Variants in HMG20A observed in about 807,000 individuals in gnomAD.
HMG20A encodes the protein high mobility group 20A.
A neutral mutation model predicts 43.9 loss-of-function variants in HMG20A; 17 were observed. That is an observed-to-expected ratio of 0.39 (90% CI 0.27 to 0.58). The LOEUF is 0.58. HMG20A is among the 20% of genes least tolerant of loss of function. The pLI, the probability that HMG20A is intolerant of heterozygous loss-of-function variation, is 0.59. For missense variants in HMG20A, 341 were observed against 438.2 expected, an observed-to-expected ratio of 0.78 and a Z score of 1.98; for synonymous variants, 132 against 147.5, an observed-to-expected ratio of 0.89 and a Z score of 0.76.
chr15:77,513,279 T>C, the HMG20A span, among the ~76,000 whole-genome samples: 3 of 152,224 alleles, frequency 2.0e-5, no homozygotes, highest in East Asian at 5.8e-4. Flanking sequence ...TCTCAAATGG[T>C]TCAGAAAAAA....
rs144177096 is a variant in HMG20A at position 77,436,203 on chromosome 15, G to A, written c.-5+15199G>A. Among the ~76,000 whole-genome samples the A allele has an allele frequency of 5.9e-5, 9 of 151,956 alleles. No individual in the cohort carries two copies. The East Asian group carries it at 1.7e-3, about 29-fold the overall frequency. On this transcript the variant is annotated intron_variant, in intron 1 of 9. Coordinates refer to ENST00000336216, the MANE Select transcript of HMG20A (RefSeq NM_001304504.2). ...GACAACTCAGTCTACTAATTTCTTCGTTAAAAATCTTGGGCTCATTCTTGA... is the reference window on the plus strand; with the variant it reads ...GACAACTCAGTCTACTAATTTCTTCATTAAAAATCTTGGGCTCATTCTTGA...
At chr15:77,441,135 T>TA (rs1418608669) in intron 1 of HMG20A, among the ~76,000 whole-genome samples, 2 of 152,176 alleles carry the variant, frequency 1.3e-5, no homozygotes, top group Admixed American at 1.3e-4. Context: ...TATGTACTAT[T>TA]ACTCTTCTCA....
chr15:77,499,065 C>A, the HMG20A span, among the ~76,000 whole-genome samples: 1 of 152,296 alleles, frequency 6.6e-6, no homozygotes, highest in East Asian at 1.9e-4. Context: ...CTGGATGACC[C>A]CTTCTAGCTC....
chr15:77,426,511 G>C (rs774953709), intron 1 of HMG20A, among the ~76,000 whole-genome samples: 4 of 152,164 alleles, frequency 2.6e-5, no homozygotes, highest in Non-Finnish European at 5.9e-5. Flanking sequence ...TTATCATAAA[G>C]GTATTCATCC....
intron 1 of HMG20A, among the ~76,000 whole-genome samples, chr15:77,448,782 A>G (rs1344572562): frequency 6.6e-6 from 1 of 152,060 alleles, no homozygotes; most frequent in Non-Finnish European, 1.5e-5. Flanking sequence ...GCCTACCAAC[A>G]TTTTAAAAAT....
intron 8 of HMG20A, 135 bp from the exon 9 acceptor site, chr15:77,479,044 C>T (rs2072883103): frequency 1.3e-6 from 1 of 795,152 alleles, no homozygotes; most frequent in Non-Finnish European, 2.1e-6. Context: ...TCTTTGAGAT[C>T]TAAAAGTCTC....
chr15:77,454,316 A>G (rs1475978952), intron 1 of HMG20A, among the ~76,000 whole-genome samples: 2 of 152,148 alleles, frequency 1.3e-5, no homozygotes, highest in African/African-American at 4.8e-5. Flanking sequence ...TGGTTGCACA[A>G]CCTTGTAAAT....
chr15:77,453,908 C>T (rs1198333269), intron 1 of HMG20A, among the ~76,000 whole-genome samples: 1 of 151,788 alleles, frequency 6.6e-6, no homozygotes, highest in Non-Finnish European at 1.5e-5. Context: ...TGATGGCTCA[C>T]GCCTATTATC....
At chr15:77,468,986 G>A (rs1412485214) in intron 4 of HMG20A, among the ~76,000 whole-genome samples, 1 of 151,434 alleles carries the variant, frequency 6.6e-6, no homozygotes, top group Non-Finnish European at 1.5e-5. Flanking sequence ...GTTCCCTTCT[G>A]CTTCCCCCGC....
At chr15:77,518,636 G>A in the HMG20A span, among the ~76,000 whole-genome samples, 2 of 152,182 alleles carry the variant, frequency 1.3e-5, no homozygotes. Flanking sequence ...CCACAACCGA[G>A]CCATCCTGAG....
At chr15:77,502,881 G>C in the HMG20A span, among the ~76,000 whole-genome samples, 1 of 152,072 alleles carries the variant, frequency 6.6e-6, no homozygotes, top group Non-Finnish European at 1.5e-5. Flanking sequence ...GAGGTGGGAG[G>C]ATCATTTGAG....
rs2072801892 is a variant in HMG20A at position 77,470,927 on chromosome 15, A to C, written c.468A>C (p.Ala156=). 2.5e-6 allele frequency: 4 copies of C among 1,599,128 alleles called. No homozygotes were observed. The East Asian group carries it at 9.1e-5, about 36-fold the overall frequency. ...PEEKQRYLDE[A]DRDKERYMKE... is the part of the protein sequence containing the mutation. The stretch of plus-strand genomic sequence containing the variant: ...TTTCCTAGCGCTACCTTGATGAAGC[A>C]GACAGAGATAAGGAGCGTTACATGA... The change falls in exon 5 of 10, where the codon GCA becomes GCC. Residue 156 remains alanine (A), a synonymous_variant. Coordinates refer to ENST00000336216, the MANE Select transcript of HMG20A (RefSeq NM_001304504.2).
chr15:77,503,024 T>A, the HMG20A span, among the ~76,000 whole-genome samples: 17 of 152,204 alleles, frequency 1.1e-4, no homozygotes, highest in African/African-American at 3.9e-4. Context: ...CCTTTCTGAG[T>A]GGTTTCATCT....
In HMG20A at chr15:77,478,282, T is replaced by C; in HGVS notation, c.692-13T>C. The C allele has an allele frequency of 6.2e-7, 1 of 1,612,676 alleles. No homozygotes were observed. The highest frequency in any genetic ancestry group is 8.5e-7 in the Non-Finnish European group (1 of 1,179,792). ...CTAGTGCTGCATGTGTTCTGTGGGA[T>C]GTATGTCCTCAGCTCGGGAAGCAGA... is the stretch of plus-strand genomic sequence containing the variant. On this transcript the variant is annotated splice_polypyrimidine_tract_variant and intron_variant, in intron 7 of 9. Coordinates refer to ENST00000336216, the MANE Select transcript of HMG20A (RefSeq NM_001304504.2).
downstream of HMG20A, among the ~76,000 whole-genome samples, chr15:77,488,150 G>A (rs1224898943): frequency 6.6e-6 from 1 of 152,204 alleles, no homozygotes; most frequent in African/African-American, 2.4e-5. Flanking sequence ...TGCAACACCA[G>A]ATCAGTGGGA....
chr15:77,470,685 A>G (rs750721784), intron 4 of HMG20A, among the ~76,000 whole-genome samples: 3 of 152,190 alleles, frequency 2.0e-5, no homozygotes, highest in Admixed American at 2.0e-4. Context: ...TAGAAAAGGC[A>G]ATAAATATTC....
intron 1 of HMG20A, among the ~76,000 whole-genome samples, chr15:77,455,420 A>G (rs922891817): frequency 1.3e-5 from 2 of 151,530 alleles, no homozygotes; most frequent in Admixed American, 1.3e-4. Flanking sequence ...GCACTCTTTT[A>G]TATGTCAGGT....
At chr15:77,477,438 A>C (rs1303733704) in intron 6 of HMG20A, 117 bp from the exon 7 acceptor site, 2 of 733,272 alleles carry the variant, frequency 2.7e-6, no homozygotes, top group African/African-American at 3.6e-5. Flanking sequence ...ACTCACCTGG[A>C]CTGATTCCTG....
At chr15:77,486,204 GT>G (rs1314238202), downstream of HMG20A, among the ~76,000 whole-genome samples, 1 of 150,938 alleles carries the variant, frequency 6.6e-6, no homozygotes, top group Admixed American at 6.6e-5. Flanking sequence ...TGACTCTGAT[GT>G]CCCCTTGATA....
Sources: allele counts gnomAD v4.1 joint callset (sites outside exome capture counted in the v4.1 genomes callset), GRCh38; gene constraint gnomAD v4.1.1; transcripts MANE v1.5; gene names NCBI Gene and HGNC (gene_info 2026-07-23, HGNC 2026-07-21).